Variants in GUCY1B1 observed in about 807,000 individuals in gnomAD.
GUCY1B1 encodes guanylate cyclase 1 soluble subunit beta 1.
A neutral mutation model predicts 71.0 loss-of-function variants in GUCY1B1; 43 were observed. That is an observed-to-expected ratio of 0.61 (90% CI 0.47 to 0.78). GUCY1B1 has a LOEUF of 0.78. Among genes scored for constraint, GUCY1B1 ranks in the 30% least tolerant of loss-of-function variants. The pLI is 0.00. For missense variants in GUCY1B1, 535 were observed against 754.1 expected (o/e 0.71, Z 3.40); for synonymous variants, 266 against 259.7 (o/e 1.02, Z -0.23).
At chr4:155,796,948 T>C (rs1579248907) in intron 8 of GUCY1B1, among the ~76,000 whole-genome samples, 1 of 152,294 alleles carries the variant, frequency 6.6e-6, no homozygotes, top group South Asian at 2.1e-4. Flanking sequence ...TCTTTCTGGG[T>C]TTGAACTATT....
chr4:155,801,618 AG>A (rs1295805240), intron 9 of GUCY1B1, among the ~76,000 whole-genome samples: 3 of 152,192 alleles, frequency 2.0e-5, no homozygotes, highest in African/African-American at 7.2e-5. Flanking sequence ...AGAAAAAGGC[AG>A]GAAGGCTTCA....
intron 4 of GUCY1B1, among the ~76,000 whole-genome samples, chr4:155,787,433 A>C (rs775947095): frequency 1.3e-5 from 2 of 152,216 alleles, no homozygotes; most frequent in African/African-American, 2.4e-5. Flanking sequence ...CGAGTTGAGG[A>C]GGTCATTGAA....
chr4:155,780,728 A>T (rs1738360192), intron 4 of GUCY1B1, among the ~76,000 whole-genome samples: 1 of 133,242 alleles, frequency 7.5e-6, no homozygotes, highest in African/African-American at 3.0e-5. Context: ...ACCCATTTCG[A>T]GTGAGATCCT....
rs1430004481 is a variant in GUCY1B1 at position 155,806,643 on chromosome 4, T to A, written c.*234T>A. ...TCTAAAGTTTGGCTTTTGATGTGGATGATGTGAGCTTCATGTGTCTTAAAA... is the reference window on the plus strand; with the variant it reads ...TCTAAAGTTTGGCTTTTGATGTGGAAGATGTGAGCTTCATGTGTCTTAAAA... On this transcript the variant is annotated 3_prime_UTR_variant, in exon 14 of 14. Coordinates refer to ENST00000264424, the MANE Select transcript of GUCY1B1 (RefSeq NM_000857.5). 4.7e-6 allele frequency: 2 copies of A among 429,946 alleles called. No individual in the cohort carries two copies. The highest frequency in any genetic ancestry group is 6.9e-5 in the East Asian group (2 of 29,150). 26.6% of individuals were successfully genotyped at this position (429,946 alleles called of 1,614,324 possible).
At chr4:155,768,633 A>T (rs564649757) in intron 2 of GUCY1B1, among the ~76,000 whole-genome samples, 1 of 152,278 alleles carries the variant, frequency 6.6e-6, no homozygotes, top group South Asian at 2.1e-4. Flanking sequence ...AAAGAAAAAA[A>T]TCCCAACTTA....
intron 9 of GUCY1B1, among the ~76,000 whole-genome samples, chr4:155,801,574 C>A (rs1739953776): frequency 6.6e-6 from 1 of 152,186 alleles, no homozygotes; most frequent in Non-Finnish European, 1.5e-5. Context: ...AAACTTCCCA[C>A]ATATGCCCTT....
At position 155,776,888 on chromosome 4, in the gene GUCY1B1, A is replaced by C. The variant is rs906652422; in HGVS notation, c.179-636A>C. On this transcript the variant is annotated intron_variant, in intron 3 of 13. Coordinates refer to ENST00000264424, the MANE Select transcript of GUCY1B1 (RefSeq NM_000857.5). ...TTGGAAAAAAGAAGTAGTATATCAA[A>C]TATATGCTTTAAAATGGCCAAAATT... Among the ~76,000 whole-genome samples the C allele has an allele frequency of 2.0e-5, 3 of 152,290 alleles. No homozygotes were observed. The East Asian group carries it at 5.8e-4, about 29-fold the overall frequency.
At chr4:155,773,800 G>T (rs1737849406) in intron 2 of GUCY1B1, among the ~76,000 whole-genome samples, 1 of 152,156 alleles carries the variant, frequency 6.6e-6, no homozygotes, top group East Asian at 1.9e-4. Flanking sequence ...CCATTCTCCT[G>T]CCTCAGCCTC....
At chr4:155,774,648 C>G (rs78408128) in intron 2 of GUCY1B1, among the ~76,000 whole-genome samples, 2,000 of 152,182 alleles carry the variant, frequency 0.013, 128 homozygotes, top group Admixed American at 0.1. Flanking sequence ...ACAAAACTTG[C>G]TAAACATCTA....
At chr4:155,778,489 G>A (rs1182722144) in intron 4 of GUCY1B1, among the ~76,000 whole-genome samples, 2 of 152,224 alleles carry the variant, frequency 1.3e-5, no homozygotes, top group African/African-American at 2.4e-5. Context: ...CTGAACCGAA[G>A]CCCAGTTTTG....
chr4:155,777,445 A>G (rs534130179), intron 3 of GUCY1B1, 79 bp from the exon 4 acceptor site: 11 of 803,760 alleles, frequency 1.4e-5, no homozygotes, highest in African/African-American at 1.2e-4. Flanking sequence ...TTACTTAATA[A>G]ACACTTATCT....
Position 155,802,701 on chromosome 4 carries a change from C to A in GUCY1B1, c.1413+122C>A. ...CACTGCAGCCTTGAGTACAGTGAGCCTCCATGTATTCACTCTTTACCATGT... is the reference window on the plus strand; with the variant it reads ...CACTGCAGCCTTGAGTACAGTGAGCATCCATGTATTCACTCTTTACCATGT... On this transcript the variant is annotated intron_variant, in intron 10 of 13. Transcript: ENST00000264424. This position sits in a 1 kb window ranked among gnomAD's most constrained non-coding sequence, Gnocchi z 4.3. 1 of 748,612 alleles carries A rather than the reference C, an allele frequency of 1.3e-6. No homozygotes were observed. The highest frequency in any genetic ancestry group is 2.1e-6 in the Non-Finnish European group (1 of 465,434). 46.4% of individuals were successfully genotyped at this position (748,612 alleles called of 1,614,324 possible).
rs1018169898 is a variant in GUCY1B1, at chr4:155,759,031, G to A, written c.-110G>A. The stretch of plus-strand genomic sequence containing the variant: ...AAGGCGGCTGTTCTCGCTCCAGCTC[G>A]ATGCTGCCTCCCCGGCCCGGTTGCG... On this transcript the variant is annotated 5_prime_UTR_variant, in exon 1 of 14. Transcript: ENST00000264424. The A allele has an allele frequency of 1.1e-5, 13 of 1,211,676 alleles. No individual in the cohort carries two copies. The highest frequency in any genetic ancestry group is 1.3e-5 in the South Asian group (1 of 77,610). The allele number at this position is 1,211,676 out of a possible 1,614,324, so 75.1% of individuals were successfully genotyped here.
intron 10 of GUCY1B1, among the ~76,000 whole-genome samples, chr4:155,803,033 G>A (rs973972510): frequency 4.6e-5 from 7 of 152,250 alleles, no homozygotes; most frequent in African/African-American, 1.2e-4. Context: ...TTTATAAGGC[G>A]TTTTTGCCCT....
intron 11 of GUCY1B1, 41 bp downstream of exon 11, chr4:155,803,805 C>T: frequency 7.5e-7 from 1 of 1,324,916 alleles, no homozygotes. Context: ...GGTATGTAAA[C>T]CTTTTTGGAC....
intron 3 of GUCY1B1, among the ~76,000 whole-genome samples, chr4:155,776,501 C>T (rs1738057334): frequency 6.6e-6 from 1 of 152,108 alleles, no homozygotes; most frequent in Non-Finnish European, 1.5e-5. Context: ...GAAACCCCCT[C>T]TCTACTAAAA....
At chr4:155,764,077 G>T (rs1737176210) in intron 2 of GUCY1B1, among the ~76,000 whole-genome samples, 1 of 151,904 alleles carries the variant, frequency 6.6e-6, no homozygotes, top group Non-Finnish European at 1.5e-5. Flanking sequence ...GTTTTGAAAT[G>T]CAACAAATGC....
At chr4:155,800,435 T>TGGG (rs1395326666) in intron 9 of GUCY1B1, among the ~76,000 whole-genome samples, 3 of 152,222 alleles carry the variant, frequency 2.0e-5, no homozygotes, top group African/African-American at 7.2e-5. Flanking sequence ...TTCAGTATGC[T>TGGG]GGGGGCTGCC....
chr4:155,801,748 C>G (rs1739970420), intron 9 of GUCY1B1, among the ~76,000 whole-genome samples: 1 of 152,156 alleles, frequency 6.6e-6, no homozygotes, highest in Non-Finnish European at 1.5e-5. Context: ...TTAGCATGAT[C>G]CCATAGTAGT....
Sources: allele counts gnomAD v4.1 joint callset (sites outside exome capture counted in the v4.1 genomes callset), GRCh38; gene constraint gnomAD v4.1.1; non-coding constraint Gnocchi (gnomAD v3.1); transcripts MANE v1.5; gene names NCBI Gene and HGNC (gene_info 2026-07-23, HGNC 2026-07-21).